Variants in NFAT5 observed in about 807,000 individuals in gnomAD.
NFAT5 encodes nuclear factor of activated T-cells 5.
NFAT5 carries 31 observed loss-of-function variants against 166.5 expected under a neutral mutation model. The observed-to-expected ratio is 0.19, with a 90% CI of 0.14 to 0.25. NFAT5 has a LOEUF of 0.25. NFAT5 is among the 10% of genes least tolerant of loss of function. The pLI, the probability that NFAT5 is intolerant of heterozygous loss-of-function variation, is 1.00. For synonymous variants in NFAT5, 612 were observed against 639.7 expected, an observed-to-expected ratio of 0.96 and a Z score of 0.65; for missense variants, 1,449 against 1,821.8, an observed-to-expected ratio of 0.80 and a Z score of 3.72.
chr16:69,604,528 G>T (rs1232191246), intron 2 of NFAT5, among the ~76,000 whole-genome samples: 1 of 152,120 alleles, frequency 6.6e-6, no homozygotes, highest in African/African-American at 2.4e-5. Context: ...TGACCTCCAA[G>T]TAGGCCCCAG....
rs59070063 is a variant in NFAT5 at position 69,593,477 on chromosome 16, A to AT, written c.127+24945dup. 2.7e-3 allele frequency among the ~76,000 whole-genome samples: 391 copies of AT among 145,742 alleles called. 2 individuals carry two copies. Among genetic ancestry groups the AT allele is most frequent in the East Asian group, 0.018 (89 of 5,042 alleles). ...AGGTGTGCACCACCAGGCCCAGCTA[A>AT]TTTTTTTTTTTTTTTTAACTAGAGA... On this transcript the variant is annotated intron_variant, in intron 2 of 14. Coordinates refer to ENST00000349945, the MANE Select transcript of NFAT5 (RefSeq NM_138713.4).
intron 9 of NFAT5, among the ~76,000 whole-genome samples, chr16:69,674,587 T>G (rs2036758549): frequency 6.6e-6 from 1 of 152,130 alleles, no homozygotes; most frequent in Non-Finnish European, 1.5e-5. Context: ...TCAGAAGAAT[T>G]TGTGGGAAGA....
intron 2 of NFAT5, among the ~76,000 whole-genome samples, chr16:69,576,586 T>C (rs1176550988): frequency 6.6e-6 from 1 of 151,852 alleles, no homozygotes; most frequent in Non-Finnish European, 1.5e-5. Flanking sequence ...AACACCTATG[T>C]TGGCCTAGCT....
At chr16:69,576,974 G>T (rs186389544) in intron 2 of NFAT5, among the ~76,000 whole-genome samples, 1 of 152,202 alleles carries the variant, frequency 6.6e-6, no homozygotes, top group Non-Finnish European at 1.5e-5. Flanking sequence ...ATTTCTGCTA[G>T]TATGTTTCAG....
intron 10 of NFAT5, among the ~76,000 whole-genome samples, chr16:69,680,168 ATAG>A (rs1397306247): frequency 6.6e-6 from 1 of 152,172 alleles, no homozygotes; most frequent in Non-Finnish European, 1.5e-5. Context: ...TTAGTAACTG[ATAG>A]TTACTAAATA....
chr16:69,581,009 A>T (rs970371904), intron 2 of NFAT5, among the ~76,000 whole-genome samples: 1 of 152,174 alleles, frequency 6.6e-6, no homozygotes, highest in African/African-American at 2.4e-5. Flanking sequence ...AAAAATTGAG[A>T]AAAAATTCGG....
At chr16:69,663,945 A>G (rs997333808) in intron 7 of NFAT5, among the ~76,000 whole-genome samples, 1 of 152,208 alleles carries the variant, frequency 6.6e-6, no homozygotes, top group African/African-American at 2.4e-5. Context: ...TTAATAGGAC[A>G]AAATTAATCA....
chr16:69,614,173 T>G (rs1459362563), intron 2 of NFAT5, among the ~76,000 whole-genome samples: 1 of 152,084 alleles, frequency 6.6e-6, no homozygotes, highest in Non-Finnish European at 1.5e-5. Context: ...TTTTTTCTTT[T>G]GAGACAAGGT....
intron 2 of NFAT5, among the ~76,000 whole-genome samples, chr16:69,588,980 C>CCTTT (rs2032281581): frequency 2.9e-5 from 1 of 34,342 alleles, no homozygotes; most frequent in African/African-American, 8.7e-5. Context: ...TTTCCTACTT[C>CCTTT]TTTTTTTTTT....
chr16:69,605,799 C>T (rs939551965), intron 2 of NFAT5, among the ~76,000 whole-genome samples: 11 of 152,052 alleles, frequency 7.2e-5, no homozygotes, highest in African/African-American at 1.9e-4. Flanking sequence ...CTGCAAGCTC[C>T]GCTTCCCGGG....
At chr16:69,655,921 T>C (rs969745739) in intron 6 of NFAT5, 122 bp downstream of exon 6, 1 of 681,066 alleles carries the variant, frequency 1.5e-6, no homozygotes, top group African/African-American at 1.9e-5. Context: ...ATATTATGAA[T>C]AAAAAAAGAC....
intron 3 of NFAT5, among the ~76,000 whole-genome samples, chr16:69,641,433 T>C (rs1331155025): frequency 6.6e-6 from 1 of 152,158 alleles, no homozygotes; most frequent in African/African-American, 2.4e-5. Flanking sequence ...CTAGCTTTTT[T>C]AGAAAACTCA....
intron 3 of NFAT5, among the ~76,000 whole-genome samples, chr16:69,631,951 G>A (rs576254567): frequency 4.1e-4 from 62 of 152,168 alleles, no homozygotes; most frequent in Non-Finnish European, 8.2e-4. Flanking sequence ...TCTTTTGGAA[G>A]AGCTTTGATA....
chr16:69,626,495 G>C lies in NFAT5; in HGVS notation c.220G>C (p.Ala74Pro). The C allele has an allele frequency of 6.3e-7, 1 of 1,579,862 alleles. No individual in the cohort carries two copies. Among genetic ancestry groups the C allele is most frequent in the Non-Finnish European group, 8.6e-7 (1 of 1,164,424 alleles). Residue 74 changes from alanine to proline, a missense_variant, in exon 3 of 15, where the codon GCA becomes CCA. Ala to Pro is a conservative substitution (Grantham distance 27, BLOSUM62 -1). Transcript: ENST00000349945. ...AATGAGTCAGACAAGCGGTGGTGAG[G>C]CAGGCTCGCCTCCTCCAGCTGTTGT... is the stretch of plus-strand genomic sequence containing the variant. ...ASMSQTSGGE[A>P]GSPPPAVVAA... is the part of the protein sequence containing the mutation.
chr16:69,575,678 TA>T (rs11299832), intron 2 of NFAT5, among the ~76,000 whole-genome samples: 48,546 of 151,572 alleles, frequency 0.32, 8,078 homozygotes, highest in East Asian at 0.45. Flanking sequence ...TTAGTTTTAA[TA>T]AAAAAAACTG....
Position 69,693,656 on chromosome 16 carries a change from ACAG to A in NFAT5, c.3840_3842del (p.Gln1284del). 6.2e-7 allele frequency: 1 copy of A among 1,614,202 alleles called. No individual in the cohort carries two copies. Among genetic ancestry groups the A allele is most frequent in the South Asian group, 1.1e-5 (1 of 91,086 alleles). ...AGCAGCAGCAGCAACAGCAGCAGCA[ACAG>A]CAGCAGCAACAACAACAGAGCATTT... is the stretch of plus-strand genomic sequence containing the variant. On this transcript the variant is annotated inframe_deletion, in exon 13 of 15. Transcript: ENST00000349945.
intron 2 of NFAT5, among the ~76,000 whole-genome samples, chr16:69,581,145 G>A (rs2031661576): frequency 6.6e-6 from 1 of 151,560 alleles, no homozygotes; most frequent in South Asian, 2.1e-4. Context: ...GGGTTCAAGT[G>A]ATTCTCATGC....
chr16:69,610,779 A>G (rs2033670260), intron 2 of NFAT5, among the ~76,000 whole-genome samples: 1 of 152,330 alleles, frequency 6.6e-6, no homozygotes, highest in Middle Eastern at 3.4e-3. Flanking sequence ...ATTAATTTAG[A>G]TTAGATTAAT....
At chr16:69,603,661 A>T (rs1387232795) in intron 2 of NFAT5, among the ~76,000 whole-genome samples, 1 of 152,164 alleles carries the variant, frequency 6.6e-6, no homozygotes, top group African/African-American at 2.4e-5. Context: ...CTGAGGTGGG[A>T]GGATGGCTTG....
Sources: gnomAD v4.1 joint callset for allele counts (sites outside exome capture counted in the v4.1 genomes callset) on GRCh38, gnomAD v4.1.1 for gene constraint, MANE v1.5 for transcripts, NCBI Gene and HGNC (gene_info 2026-07-23, HGNC 2026-07-21) for gene names.